The following U2AF2 variants were observed in gnomAD, a reference collection of about 807,000 sequenced individuals.
The protein encoded by U2AF2 is splicing factor U2AF 65 kDa subunit.
Under a neutral mutation model 52.6 loss-of-function variants are expected in U2AF2, and 6 were observed. That is an observed-to-expected ratio of 0.11 (90% CI 0.06 to 0.23). The LOEUF (loss-of-function observed/expected upper bound fraction) is 0.23, where lower values mean the gene tolerates loss of function less well. U2AF2 is among the 10% of genes least tolerant of loss of function. U2AF2 has a pLI of 1.00. For synonymous variants in U2AF2, 284 were observed against 258.2 expected (o/e 1.10, Z -0.96); for missense variants, 222 against 677.1 (o/e 0.33, Z 7.46).
chr19:55,655,242 C>G (rs982670508), intron 1 of U2AF2, 89 bp downstream of exon 1: 6 of 1,420,188 alleles, frequency 4.2e-6, no homozygotes, highest in Admixed American at 4.0e-5. Context: ...CGCTTCCCCC[C>G]ACTTCACGGC....
chr19:55,674,290 A>C lies in U2AF2; in HGVS notation c.*222A>C, dbSNP rs1985146814. The C allele has an allele frequency of 3.8e-6, 2 of 527,412 alleles. No homozygotes were observed. The highest frequency in any genetic ancestry group is 3.4e-6 in the Non-Finnish European group (1 of 295,608). 32.7% of individuals were successfully genotyped at this position (527,412 alleles called of 1,614,324 possible). ...CTGGGGAAGTGCGCACACAGCCCAC[A>C]CAGACAACACGCACCCACACAGACA... On this transcript the variant is annotated 3_prime_UTR_variant, in exon 12 of 12. Transcript: ENST00000308924.
intron 2 of U2AF2, 108 bp from the exon 3 acceptor site, chr19:55,660,069 C>A: frequency 9.9e-7 from 1 of 1,011,296 alleles, no homozygotes; most frequent in Non-Finnish European, 1.4e-6. Context: ...TTGTTGACCT[C>A]GGCCCTGCTC....
chr19:55,667,444 G>C (rs1389373323), intron 7 of U2AF2, among the ~76,000 whole-genome samples: 1 of 152,162 alleles, frequency 6.6e-6, no homozygotes, highest in Non-Finnish European at 1.5e-5. Context: ...ACGGCGTCAA[G>C]TTACATTGGC....
chr19:55,656,121 T>A (rs1983779182), intron 1 of U2AF2, among the ~76,000 whole-genome samples: 1 of 152,160 alleles, frequency 6.6e-6, no homozygotes, highest in Admixed American at 6.5e-5. Flanking sequence ...GGGGCCCTGA[T>A]CTTAGGGATT....
chr19:55,659,015 G>A (rs762466387), intron 1 of U2AF2, 195 bp from the exon 2 acceptor site: 53 of 833,314 alleles, frequency 6.4e-5, no homozygotes, highest in East Asian at 5.1e-4. Flanking sequence ...TCCAGGCCCC[G>A]TCCCCCTGGT....
Position 55,668,504 on chromosome 19 carries a change from T to A in U2AF2, c.743-3T>A, listed in dbSNP as rs369538894. The A allele has an allele frequency of 1.9e-6, 3 of 1,592,966 alleles. No individual in the cohort carries two copies. The highest frequency in any genetic ancestry group is 8.6e-7 in the Non-Finnish European group (1 of 1,167,922). ...TTGAAGTCCTCCTCTTCTCTACCCA[T>A]AGGGGTTGTGTCCACTGTGGTCCCC... On this transcript the variant is annotated splice_region_variant and splice_polypyrimidine_tract_variant and intron_variant, in intron 7 of 11. Coordinates refer to ENST00000308924, the MANE Select transcript of U2AF2 (RefSeq NM_007279.3). This position sits in a 1 kb window ranked among gnomAD's most constrained non-coding sequence, Gnocchi z 5.5.
intron 7 of U2AF2, among the ~76,000 whole-genome samples, chr19:55,667,718 T>C (rs1984631550): frequency 6.6e-6 from 1 of 151,818 alleles, no homozygotes; most frequent in Admixed American, 6.6e-5. Flanking sequence ...GCCACCCCTG[T>C]GAGGGCAGTT....
At chr19:55,669,817 T>C (rs1037360045) in intron 11 of U2AF2, 125 bp downstream of exon 11, 84 of 1,363,176 alleles carry the variant, frequency 6.2e-5, no homozygotes, top group Admixed American at 2.2e-4. Context: ...TTTCTTCCTC[T>C]CTCTCTCCTC....
At chr19:55,657,385 G>A (rs912560388) in intron 1 of U2AF2, among the ~76,000 whole-genome samples, 1 of 152,240 alleles carries the variant, frequency 6.6e-6, no homozygotes, top group African/African-American at 2.4e-5. Context: ...GGACGGGCCA[G>A]CTTCTGTACG....
intron 3 of U2AF2, 136 bp from the exon 4 acceptor site, chr19:55,660,380 C>A: frequency 1.9e-6 from 2 of 1,075,334 alleles, no homozygotes; most frequent in South Asian, 1.5e-5. Flanking sequence ...CTGCCCCAGA[C>A]CCTCTCCTTC....
At chr19:55,670,240 C>T (rs986476293) in intron 11 of U2AF2, among the ~76,000 whole-genome samples, 2 of 152,058 alleles carry the variant, frequency 1.3e-5, no homozygotes, top group African/African-American at 4.8e-5. Context: ...TGATTTCAGA[C>T]TCTGCTAAGT....
At position 55,668,400 on chromosome 19, in the gene U2AF2, A is replaced by T; in HGVS notation, c.743-107A>T. The T allele has an allele frequency of 8.9e-7, 1 of 1,126,706 alleles. No homozygotes were observed. The highest frequency in any genetic ancestry group is 1.2e-6 in the Non-Finnish European group (1 of 804,910). 69.8% of individuals were successfully genotyped at this position (1,126,706 alleles called of 1,614,324 possible). A position where few individuals can be genotyped will look rare whatever the true frequency, so the allele number is the denominator to read the frequency against. ...GTGGCGACCCCTCCCTCGTCAGATC[A>T]GGCAGGAAGTGTTCTCTTTGGCAAT... On this transcript the variant is annotated intron_variant, in intron 7 of 11. Coordinates refer to ENST00000308924, the MANE Select transcript of U2AF2 (RefSeq NM_007279.3). This position sits in a 1 kb window ranked among gnomAD's most constrained non-coding sequence, Gnocchi z 5.5.
intron 5 of U2AF2, chr19:55,662,246 TC>T: frequency 2.6e-6 from 1 of 386,902 alleles, no homozygotes; most frequent in Non-Finnish European, 4.7e-6. Context: ...CCTGTGGCTG[TC>T]CCCCAACGCC....
intron 1 of U2AF2, 90 bp downstream of exon 1, chr19:55,655,243 ACTTCACGGCCGCGCGGCGCCC>A (rs1983701955): frequency 7.1e-7 from 1 of 1,414,632 alleles, no homozygotes; most frequent in Admixed American, 2.0e-5. Flanking sequence ...GCTTCCCCCC[ACTTCACGGCCGCGCGGCGCCC>A]CCCAACCCTG....
intron 7 of U2AF2, among the ~76,000 whole-genome samples, chr19:55,667,874 C>T (rs1568553640): frequency 1.3e-5 from 2 of 152,042 alleles, no homozygotes; most frequent in East Asian, 3.9e-4. Context: ...CAACCTCCGC[C>T]TCCTGGGTTC....
chr19:55,669,843 A>G (rs1273100286), intron 11 of U2AF2, 151 bp downstream of exon 11: 8 of 1,269,006 alleles, frequency 6.3e-6, no homozygotes, highest in Non-Finnish European at 8.4e-6. Context: ...GCGCGTGCGT[A>G]TAGGTGTATG....
rs59262812 is a variant in U2AF2, at chr19:55,661,499, GACACACACACACACAC to G, written c.486+338_486+353del. Among the ~76,000 whole-genome samples, 563 of 145,200 alleles carry G rather than the reference GACACACACACACACAC, an allele frequency of 3.9e-3. 3 individuals carry two copies. The highest frequency in any genetic ancestry group is 1.0e-2 in the African/African-American group (390 of 39,176). On this transcript the variant is annotated intron_variant, in intron 5 of 11. Transcript: ENST00000308924. ...GGAGAGAGACAGAGAGGGAGACTTG[GACACACACACACACAC>G]ACACACACACACACACACACACACA...
At position 55,655,035 on chromosome 19, in the gene U2AF2, A is replaced by G; in HGVS notation, c.-70A>G. On this transcript the variant is annotated 5_prime_UTR_variant, in exon 1 of 12. Transcript: ENST00000308924. ...AGTAGCCGAAGCCAGCGGCGGAAGT[A>G]GCCGAAGCGGCTGGAGCGGGCGGCA... 1 of 1,583,850 alleles carries G rather than the reference A, an allele frequency of 6.3e-7. No individual in the cohort carries two copies. The highest frequency in any genetic ancestry group is 8.6e-7 in the Non-Finnish European group (1 of 1,164,124).
chr19:55,655,515 C>G (rs573043778), intron 1 of U2AF2, among the ~76,000 whole-genome samples: 39 of 152,350 alleles, frequency 2.6e-4, no homozygotes, highest in South Asian at 2.1e-4. Context: ...TATGTTAGTC[C>G]CCGTAATCTC....
Sources: gnomAD v4.1 joint callset for allele counts (sites outside exome capture counted in the v4.1 genomes callset) on GRCh38, gnomAD v4.1.1 for gene constraint, Gnocchi (gnomAD v3.1) non-coding constraint, MANE v1.5 for transcripts, NCBI Gene and HGNC (gene_info 2026-07-23, HGNC 2026-07-21) for gene names.